The following CCL20 variants were observed in gnomAD, a reference collection of about 807,000 sequenced individuals.
CCL20 encodes the protein C-C motif chemokine ligand 20.
A neutral mutation model predicts 10.8 loss-of-function variants in CCL20; 8 were observed. That is an observed-to-expected ratio of 0.74 (90% CI 0.44 to 1.34). The LOEUF is 1.34. Among genes scored for constraint, CCL20 ranks in the 40% most tolerant of loss-of-function variants. CCL20 has a pLI of 0.01. For synonymous variants in CCL20, 40 were observed against 39.4 expected (o/e 1.02, Z -0.06); for missense variants, 107 against 117.9 (o/e 0.91, Z 0.43).
At position 227,814,584 on chromosome 2, in the gene CCL20, A is replaced by AT. The variant is rs35635992; in HGVS notation, c.76+610dup. Reference sequence around the variant, plus strand: ...GTGCATTCCTAAAAATGCACATTGAATTTTTTTTTTTTTCTGAGGCAGGGT... The same window carrying AT: ...GTGCATTCCTAAAAATGCACATTGAATTTTTTTTTTTTTTCTGAGGCAGGGT... On this transcript the variant is annotated intron_variant, in intron 1 of 3. Transcript: ENST00000358813. 9.9e-4 allele frequency among the ~76,000 whole-genome samples: 147 copies of AT among 148,640 alleles called. No homozygotes were observed. In the East Asian group the frequency reaches 0.015, roughly 15 times the overall value.
At chr2:227,816,104 A>G in intron 2 of CCL20, 1 of 534,896 alleles carries the variant, frequency 1.9e-6, no homozygotes, top group Admixed American at 3.4e-5. Context: ...TTGTACTATT[A>G]TTTGTTACAT....
At chr2:227,816,224 G>GA in intron 2 of CCL20, 83 bp from the exon 3 acceptor site, 1 of 738,048 alleles carries the variant, frequency 1.4e-6, no homozygotes, top group Non-Finnish European at 2.3e-6. Context: ...TAATCAACTG[G>GA]AATATAAAAT....
intron 1 of CCL20, among the ~76,000 whole-genome samples, chr2:227,814,947 T>C (rs953594143): frequency 2.0e-5 from 3 of 152,126 alleles, no homozygotes; most frequent in Non-Finnish European, 4.4e-5. Context: ...TAGGACAATT[T>C]CAAAGTGTTT....
chr2:227,814,759 T>TA (rs888362803), intron 1 of CCL20, among the ~76,000 whole-genome samples: 7 of 124,372 alleles, frequency 5.6e-5, no homozygotes, highest in Non-Finnish European at 6.1e-5. Flanking sequence ...TTTTTTACAT[T>TA]TTTTTTTTTT....
In CCL20 at chr2:227,816,325, G is replaced by A. The variant is rs1373525203; in HGVS notation, c.210G>A (p.Lys70=). The change falls in exon 3 of 4, where the codon AAG becomes AAA. Residue 70 remains lysine (K), a synonymous_variant. Coordinates refer to ENST00000358813, the MANE Select transcript of CCL20 (RefSeq NM_004591.3). ...INAIIFHTKK[K]LSVCANPKQT... is the part of the protein sequence containing the mutation. ...TTTTCAGCTTTCACACAAAGAAAAA[G>A]TTGTCTGTGTGCGCAAATCCAAAAC... is the stretch of plus-strand genomic sequence containing the variant. 3.1e-6 allele frequency: 5 copies of A among 1,610,332 alleles called. No individual in the cohort carries two copies. The highest frequency in any genetic ancestry group is 4.2e-6 in the Non-Finnish European group (5 of 1,177,074).
At chr2:227,816,224 G>T in intron 2 of CCL20, 83 bp from the exon 3 acceptor site, 2 of 738,048 alleles carry the variant, frequency 2.7e-6, no homozygotes, top group East Asian at 2.6e-5. Context: ...TAATCAACTG[G>T]AATATAAAAT....
At chr2:227,814,813 A>T (rs906530966) in intron 1 of CCL20, among the ~76,000 whole-genome samples, 3 of 151,292 alleles carry the variant, frequency 2.0e-5, no homozygotes, top group African/African-American at 7.3e-5. Context: ...CTGGTCTCGA[A>T]CTCCTGGAGG....
intron 3 of CCL20, 39 bp downstream of exon 3, chr2:227,816,423 G>A: frequency 8.2e-7 from 1 of 1,223,334 alleles, no homozygotes. Flanking sequence ...AAATGTTTGA[G>A]GAAAGAGGAG....
chr2:227,815,416 A>G, intron 1 of CCL20, 38 bp from the exon 2 acceptor site: 1 of 995,296 alleles, frequency 1.0e-6, no homozygotes, highest in Admixed American at 1.9e-5. Flanking sequence ...AAGTTTATTC[A>G]TGTGGATCCA....
chr2:227,815,793 T>C, intron 2 of CCL20: 1 of 391,280 alleles, frequency 2.6e-6, no homozygotes, highest in Non-Finnish European at 4.5e-6. Flanking sequence ...AAACCTTTTT[T>C]AAAAATTTTT....
chr2:227,816,768 A>G (rs1690030484), intron 3 of CCL20, among the ~76,000 whole-genome samples: 1 of 152,250 alleles, frequency 6.6e-6, no homozygotes, highest in African/African-American at 2.4e-5. Context: ...GTTGACAATA[A>G]TAGACAGTAA....
rs1690012804 is a variant in CCL20, at chr2:227,815,540, A to G, written c.163A>G (p.Asn55Asp). Residue 55 changes from asparagine (N) to aspartate (D), a missense_variant, in exon 2 of 4, where the codon AAT becomes GAT. By Grantham distance (23) the Asn-to-Asp change is conservative (BLOSUM62 1). Transcript: ENST00000358813. ...FIVGFTRQLA[N>D]EGCDINAIIF... ...TGTGGGCTTCACACGGCAGCTGGCC[A>G]ATGAAGGCTGTGACATCAATGCTAT... 1 of 1,607,276 alleles carries G rather than the reference A, an allele frequency of 6.2e-7. No individual in the cohort carries two copies. The highest frequency in any genetic ancestry group is 8.5e-7 in the Non-Finnish European group (1 of 1,174,402).
chr2:227,815,567 A>C lies in CCL20; in HGVS notation c.190A>C (p.Ile64Leu), dbSNP rs758012880. The change falls in exon 2 of 4, where the codon ATC (isoleucine) becomes CTC (leucine). Residue 64 changes from isoleucine to leucine, a missense_variant and splice_region_variant. Coordinates refer to ENST00000358813, the MANE Select transcript of CCL20 (RefSeq NM_004591.3). Reference sequence around the variant, plus strand: ...TGAAGGCTGTGACATCAATGCTATCATGTAAGTTATTAATTGATTTTAATT... The same window carrying C: ...TGAAGGCTGTGACATCAATGCTATCCTGTAAGTTATTAATTGATTTTAATT... ...ANEGCDINAIIFHTKKKLSVC... is the reference protein window; with the variant it reads ...ANEGCDINAILFHTKKKLSVC... 5.3e-6 allele frequency: 8 copies of C among 1,508,584 alleles called. No individual in the cohort carries two copies. The highest frequency in any genetic ancestry group is 7.3e-6 in the Non-Finnish European group (8 of 1,091,590). 93.4% of individuals were successfully genotyped at this position (1,508,584 alleles called of 1,614,324 possible). A position where few individuals can be genotyped will look rare whatever the true frequency, so the allele number is the denominator to read the frequency against.
At chr2:227,815,743 C>A in intron 2 of CCL20, 175 bp downstream of exon 2, 1 of 532,454 alleles carries the variant, frequency 1.9e-6, no homozygotes, top group Non-Finnish European at 3.3e-6. Flanking sequence ...TAGTACATAT[C>A]TACTTTAAAG....
At chr2:227,814,757 ATT>A (rs112995464) in intron 1 of CCL20, among the ~76,000 whole-genome samples, 6 of 139,490 alleles carry the variant, frequency 4.3e-5, no homozygotes, top group African/African-American at 1.3e-4. Context: ...ATTTTTTTAC[ATT>A]TTTTTTTTTT....
At chr2:227,815,338 C>T (rs764249420) in intron 1 of CCL20, 116 bp from the exon 2 acceptor site, 38 of 588,298 alleles carry the variant, frequency 6.5e-5, no homozygotes, top group Non-Finnish European at 8.7e-5. Flanking sequence ...GTGGTTTATT[C>T]GTCATATACA....
intron 2 of CCL20, chr2:227,816,048 C>T (rs1488087279): frequency 1.2e-5 from 5 of 432,714 alleles, no homozygotes; most frequent in Non-Finnish European, 2.1e-5. Flanking sequence ...ATGTAACCAC[C>T]AATAGCAAAA....
chr2:227,815,389 A>G, intron 1 of CCL20, 65 bp from the exon 2 acceptor site: 1 of 792,822 alleles, frequency 1.3e-6, no homozygotes, highest in Admixed American at 2.2e-5. Flanking sequence ...GTAGTTTTAT[A>G]ATACCAATCA....
intron 1 of CCL20, among the ~76,000 whole-genome samples, chr2:227,814,762 T>C (rs1284262053): frequency 1.3e-5 from 2 of 151,986 alleles, no homozygotes; most frequent in Non-Finnish European, 2.9e-5. Flanking sequence ...TTTACATTTT[T>C]TTTTTTTTTG....
Sources: gnomAD v4.1 joint callset for allele counts (sites outside exome capture counted in the v4.1 genomes callset) on GRCh38, gnomAD v4.1.1 for gene constraint, MANE v1.5 for transcripts, NCBI Gene and HGNC (gene_info 2026-07-23, HGNC 2026-07-21) for gene names.